Variants in RANBP2 observed in about 807,000 individuals in gnomAD.
RANBP2 encodes the protein E3 SUMO-protein ligase RanBP2.
A neutral mutation model predicts 303.6 loss-of-function variants in RANBP2; 57 were observed. The ratio of observed to expected loss-of-function variants is 0.19; its 90% CI spans 0.15 to 0.23. The LOEUF (loss-of-function observed/expected upper bound fraction) is 0.23, where lower values mean the gene tolerates loss of function less well. Ranked by LOEUF, RANBP2 falls within the 10% of genes least tolerant of loss-of-function variation. The probability of loss-of-function intolerance (pLI) is 1.00; values close to 1 mark genes in which losing one functional copy is unlikely to be tolerated. For synonymous variants in RANBP2, 1,167 were observed against 1,301.5 expected (o/e 0.90, Z 2.23); for missense variants, 3,138 against 3,780.8 (o/e 0.83, Z 4.46).
chr2:109,370,188 G>A, the RANBP2 span, among the ~76,000 whole-genome samples: 6 of 143,716 alleles, frequency 4.2e-5, no homozygotes, highest in Non-Finnish European at 9.1e-5. Flanking sequence ...CATTGCTGTG[G>A]TGGTCTCTGT....
At chr2:109,476,221 C>T in the RANBP2 span, among the ~76,000 whole-genome samples, 2 of 152,222 alleles carry the variant, frequency 1.3e-5, no homozygotes, top group Non-Finnish European at 2.9e-5. Context: ...GCCCTGCCCC[C>T]ACCAGGCCTG....
the RANBP2 span, among the ~76,000 whole-genome samples, chr2:109,092,515 T>C: frequency 2.0e-5 from 3 of 152,182 alleles, no homozygotes; most frequent in Admixed American, 1.3e-4. Context: ...CCTTGCAAAA[T>C]TGAGAATCTT....
chr2:108,764,833 G>A lies in RANBP2; in HGVS notation c.4294G>A (p.Val1432Ile), dbSNP rs1006499929. The stretch of plus-strand genomic sequence containing the variant: ...TTGTTTAGTAAGAAATGAACCTACT[G>A]TATCTAGGTGCATTGCGTGTCAGAA... ...SICLVRNEPT[V>I]SRCIACQNTK... The change falls in exon 20 of 29, where the codon GTA becomes ATA. Residue 1432 changes from valine (V) to isoleucine (I), a missense_variant. Val to Ile is a conservative substitution (Grantham distance 29). Transcript: ENST00000283195. 10 of 1,613,924 alleles carry A rather than the reference G, an allele frequency of 6.2e-6. No homozygotes were observed. In the African/African-American group the frequency reaches 1.2e-4, roughly 19 times the overall value.
At chr2:108,904,872 G>A in the RANBP2 span, among the ~76,000 whole-genome samples, 1 of 152,148 alleles carries the variant, frequency 6.6e-6, no homozygotes, top group Non-Finnish European at 1.5e-5. Flanking sequence ...TTTTTGTATG[G>A]GAGCTGAGTC....
the RANBP2 span, among the ~76,000 whole-genome samples, chr2:109,517,163 G>A: frequency 6.9e-4 from 104 of 150,430 alleles, 2 homozygotes; most frequent in Middle Eastern, 6.9e-3. Flanking sequence ...GGGTCACCCG[G>A]AATGTGCAAA....
chr2:109,507,057 C>T, the RANBP2 span, among the ~76,000 whole-genome samples: 1 of 152,178 alleles, frequency 6.6e-6, no homozygotes, highest in Admixed American at 6.5e-5. Flanking sequence ...TGGAGACTGT[C>T]CAGGAGTGGT....
chr2:108,916,019 A>G, the RANBP2 span, among the ~76,000 whole-genome samples: 2 of 152,200 alleles, frequency 1.3e-5, no homozygotes, highest in African/African-American at 4.8e-5. Flanking sequence ...ACCTTACTGA[A>G]GTTGCTCTGG....
At chr2:108,786,028 T>C (rs2149342979), downstream of RANBP2, among the ~76,000 whole-genome samples, 1 of 151,764 alleles carries the variant, frequency 6.6e-6, no homozygotes, top group Non-Finnish European at 1.5e-5. Flanking sequence ...GGTTGTACAG[T>C]TCCCCTCAGT....
the RANBP2 span, among the ~76,000 whole-genome samples, chr2:109,699,313 TCTA>T: frequency 1.3e-5 from 2 of 152,082 alleles, no homozygotes; most frequent in African/African-American, 4.8e-5. Flanking sequence ...GCCTCTTCAT[TCTA>T]CAGTTGACTC....
At chr2:109,716,963 G>A in the RANBP2 span, among the ~76,000 whole-genome samples, 1 of 152,170 alleles carries the variant, frequency 6.6e-6, no homozygotes, top group East Asian at 1.9e-4. Flanking sequence ...CTTCTCGCAG[G>A]ACTCAGCTTT....
At chr2:109,147,666 T>C in the RANBP2 span, among the ~76,000 whole-genome samples, 1 of 152,242 alleles carries the variant, frequency 6.6e-6, no homozygotes, top group Non-Finnish European at 1.5e-5. Context: ...CAATTGCCCA[T>C]GAAGTGACCT....
At chr2:109,037,344 A>ATAC in the RANBP2 span, among the ~76,000 whole-genome samples, 1 of 149,438 alleles carries the variant, frequency 6.7e-6, no homozygotes, top group African/African-American at 2.4e-5. Flanking sequence ...AAAAAAAAAA[A>ATAC]AGAACCAAAT....
At chr2:108,815,463 T>TG in the RANBP2 span, among the ~76,000 whole-genome samples, 1 of 121,230 alleles carries the variant, frequency 8.2e-6, no homozygotes, top group African/African-American at 4.0e-5. Context: ...TTTTTGGTGT[T>TG]TTTTTTTTTT....
chr2:109,228,948 G>A, the RANBP2 span, among the ~76,000 whole-genome samples: 20 of 152,176 alleles, frequency 1.3e-4, no homozygotes, highest in Middle Eastern at 3.2e-3. Context: ...AAAACTCCAA[G>A]TTTCTGGTCA....
the RANBP2 span, among the ~76,000 whole-genome samples, chr2:109,224,400 A>G: frequency 6.6e-6 from 1 of 152,156 alleles, no homozygotes; most frequent in Non-Finnish European, 1.5e-5. Flanking sequence ...TTAAATCTGC[A>G]TTTTGTTCTG....
the RANBP2 span, among the ~76,000 whole-genome samples, chr2:108,821,183 C>T: frequency 1.3e-5 from 2 of 152,204 alleles, no homozygotes; most frequent in East Asian, 1.9e-4. Flanking sequence ...CATGGTGAAA[C>T]CCCATCTCTA....
At chr2:109,205,202 G>A in the RANBP2 span, among the ~76,000 whole-genome samples, 7 of 151,298 alleles carry the variant, frequency 4.6e-5, no homozygotes, top group South Asian at 1.0e-3. Flanking sequence ...GTGAAACTCC[G>A]TCTCTAAAAA....
the RANBP2 span, among the ~76,000 whole-genome samples, chr2:109,022,286 C>T: frequency 6.6e-6 from 1 of 152,152 alleles, no homozygotes; most frequent in Non-Finnish European, 1.5e-5. Flanking sequence ...AACTGTGGTT[C>T]CCCCGCCCCA....
chr2:109,404,255 A>G, the RANBP2 span, among the ~76,000 whole-genome samples: 1 of 152,184 alleles, frequency 6.6e-6, no homozygotes, highest in African/African-American at 2.4e-5. Flanking sequence ...TTTGCAGGAA[A>G]GGGCTTTAGG....
Sources: allele counts gnomAD v4.1 joint callset (sites outside exome capture counted in the v4.1 genomes callset), GRCh38; gene constraint gnomAD v4.1.1; transcripts MANE v1.5; gene names NCBI Gene and HGNC (gene_info 2026-07-23, HGNC 2026-07-21).